PPP2R5C: variants seen among roughly 807,000 people sequenced by gnomAD.
PPP2R5C encodes the protein protein phosphatase 2 regulatory subunit B'gamma, also known as serine/threonine-protein phosphatase 2A 56 kDa regulatory subunit gamma isoform.
A neutral mutation model predicts 68.9 loss-of-function variants in PPP2R5C; 7 were observed. The observed-to-expected ratio is 0.10, with a 90% CI of 0.06 to 0.19. PPP2R5C has a LOEUF of 0.19. Ranked by LOEUF, PPP2R5C falls within the 10% of genes least tolerant of loss-of-function variation. The pLI is 1.00. For synonymous variants in PPP2R5C, 210 were observed against 222.2 expected, an observed-to-expected ratio of 0.95 and a Z score of 0.49; for missense variants, 348 against 641.3, an observed-to-expected ratio of 0.54 and a Z score of 4.94.
chr14:101,769,359 C>G (rs534100027), intron 2 of PPP2R5C, among the ~76,000 whole-genome samples: 4 of 152,286 alleles, frequency 2.6e-5, no homozygotes, highest in Non-Finnish European at 5.9e-5. Flanking sequence ...CAGTTGAGCT[C>G]GAGTCTTCTT....
At chr14:101,764,028 T>G (rs61993982) in intron 2 of PPP2R5C, among the ~76,000 whole-genome samples, 6 of 137,526 alleles carry the variant, frequency 4.4e-5, no homozygotes, top group African/African-American at 1.4e-4. Flanking sequence ...TGTGTGTGTG[T>G]GGGCGCGCGC....
In PPP2R5C at chr14:101,825,211, C is replaced by CGTGT. The variant is rs10588262; in HGVS notation, c.94+15210_94+15213dup. Among the ~76,000 whole-genome samples the CGTGT allele has an allele frequency of 0.08, 11,414 of 143,020 alleles. 875 individuals are homozygous for CGTGT. Among genetic ancestry groups the CGTGT allele is most frequent in the African/African-American group, 0.2 (7,863 of 38,500 alleles). 93.8% of individuals were successfully genotyped at this position (143,020 alleles called of 152,430 possible). On this transcript the variant is annotated intron_variant, in intron 1 of 13. Transcript: ENST00000334743. The surrounding 1 kb of genome is among the most constrained non-coding windows in gnomAD (Gnocchi z 4.0). ...AGGGATAGGATAAGAGGGTTTTCAG[C>CGTGT]GTGTGTGTGTGTGTGTGTGTGTGTG...
chr14:101,780,433 A>G (rs1293117473), intron 2 of PPP2R5C, among the ~76,000 whole-genome samples: 4 of 152,116 alleles, frequency 2.6e-5, no homozygotes, highest in South Asian at 4.1e-4. Flanking sequence ...TTGCCCCCCA[A>G]GGGACATTTG....
chr14:101,811,201 G>A (rs1732065013), intron 1 of PPP2R5C, among the ~76,000 whole-genome samples: 1 of 152,210 alleles, frequency 6.6e-6, no homozygotes, highest in African/African-American at 2.4e-5. Flanking sequence ...CCAAATTGTA[G>A]GACAGGCTGT....
intron 3 of PPP2R5C, among the ~76,000 whole-genome samples, chr14:101,793,944 C>T (rs2038488633): frequency 6.6e-6 from 1 of 152,188 alleles, no homozygotes; most frequent in Admixed American, 6.5e-5. Flanking sequence ...GAAGTCAAGC[C>T]ACTTCTTTCC....
intron 2 of PPP2R5C, among the ~76,000 whole-genome samples, chr14:101,775,885 C>G (rs2037390931): frequency 6.6e-6 from 1 of 152,128 alleles, no homozygotes; most frequent in South Asian, 2.1e-4. Flanking sequence ...ATCCTCACAG[C>G]AAGACACATC....
At chr14:101,886,365 T>C (rs1175467858) in intron 5 of PPP2R5C, among the ~76,000 whole-genome samples, 1 of 152,210 alleles carries the variant, frequency 6.6e-6, no homozygotes, top group African/African-American at 2.4e-5. Context: ...ATTCCAAAGT[T>C]ATTACGCATA....
chr14:101,822,016 T>C (rs1342412744), intron 1 of PPP2R5C, among the ~76,000 whole-genome samples: 4 of 152,008 alleles, frequency 2.6e-5, no homozygotes, highest in Non-Finnish European at 5.9e-5. Flanking sequence ...TTAAGAGTAT[T>C]TTACTAGATG....
At chr14:101,880,983 G>T (rs1404539193) in intron 2 of PPP2R5C, among the ~76,000 whole-genome samples, 1 of 152,124 alleles carries the variant, frequency 6.6e-6, no homozygotes, top group Admixed American at 6.6e-5. Context: ...TTCTGAGAGT[G>T]GTGGGACTGG....
intron 1 of PPP2R5C, among the ~76,000 whole-genome samples, chr14:101,842,810 T>G (rs2041572056): frequency 6.6e-6 from 1 of 151,764 alleles, no homozygotes; most frequent in Non-Finnish European, 1.5e-5. Context: ...TCGCATGTAT[T>G]TTTTTTATCT....
chr14:101,880,022 C>T (rs1365158536), intron 2 of PPP2R5C, among the ~76,000 whole-genome samples: 3 of 152,174 alleles, frequency 2.0e-5, no homozygotes, highest in Non-Finnish European at 2.9e-5. Context: ...AGACCCCTGT[C>T]TGCGCCGAGT....
At chr14:101,864,232 A>G (rs2042924689) in intron 2 of PPP2R5C, among the ~76,000 whole-genome samples, 2 of 152,206 alleles carry the variant, frequency 1.3e-5, no homozygotes. Flanking sequence ...TAACCTGAAG[A>G]TCAGAAAAGG....
At chr14:101,834,511 T>A (rs1430035143) in intron 1 of PPP2R5C, among the ~76,000 whole-genome samples, 1 of 152,214 alleles carries the variant, frequency 6.6e-6, no homozygotes, top group African/African-American at 2.4e-5. Flanking sequence ...AGGCAGCTGT[T>A]CCAGCAGAAA....
chr14:101,790,351 A>G (rs1413092958), intron 3 of PPP2R5C, among the ~76,000 whole-genome samples: 1 of 152,232 alleles, frequency 6.6e-6, no homozygotes, highest in Non-Finnish European at 1.5e-5. Context: ...TGCAACCGTC[A>G]CCACAATTCT....
At position 101,877,283 on chromosome 14, in the gene PPP2R5C, C is replaced by T. The variant is rs1185435220; in HGVS notation, c.295-4878C>T. ...TCCAATGGAGGAGAAAATTGAGGCT[C>T]AGGCAGGCTGTTTGGTCTGAGGTCC... On this transcript the variant is annotated intron_variant, in intron 2 of 13. Coordinates refer to ENST00000334743, the Ensembl canonical transcript of PPP2R5C. This position sits in a 1 kb window ranked among gnomAD's most constrained non-coding sequence, Gnocchi z 4.2. Among the ~76,000 whole-genome samples, 1 of 152,102 alleles carries T rather than the reference C, an allele frequency of 6.6e-6. No homozygotes were observed. The highest frequency in any genetic ancestry group is 2.4e-5 in the African/African-American group (1 of 41,422).
At chr14:101,852,957 G>A (rs1235209828) in intron 1 of PPP2R5C, among the ~76,000 whole-genome samples, 2 of 151,914 alleles carry the variant, frequency 1.3e-5, no homozygotes, top group East Asian at 3.8e-4. Flanking sequence ...TTAAATAATG[G>A]GAAAAGCTAA....
intron 9 of PPP2R5C, among the ~76,000 whole-genome samples, chr14:101,904,295 G>A (rs982026071): frequency 1.6e-4 from 24 of 152,026 alleles, no homozygotes; most frequent in Non-Finnish European, 2.9e-4. Flanking sequence ...GACTACAGGC[G>A]CCTGCCACCA....
rs2038657627 is a variant in PPP2R5C at position 101,797,264 on chromosome 14, C to G, written c.259+11081C>G. 2.2e-6 allele frequency: 1 copy of G among 456,076 alleles called. No homozygotes were observed. The highest frequency in any genetic ancestry group is 6.9e-5 in the East Asian group (1 of 14,394). 28.3% of individuals were successfully genotyped at this position (456,076 alleles called of 1,614,324 possible). ...CCCTCGCTCCCGTCGAAGGCTGATG[C>G]CATCCTTCAGTGATGTGTGGACGGA... On this transcript the variant is annotated intron_variant, in intron 3 of 14. Transcript: ENST00000328724. This position sits in a 1 kb window ranked among gnomAD's most constrained non-coding sequence, Gnocchi z 4.2.
intron 11 of PPP2R5C, among the ~76,000 whole-genome samples, chr14:101,911,376 CAAGT>C (rs1364805893): frequency 6.6e-6 from 1 of 152,168 alleles, no homozygotes; most frequent in African/African-American, 2.4e-5. Context: ...TGAGAGATGA[CAAGT>C]CAGTCAGGAA....
Sources: gnomAD v4.1 joint callset for allele counts (sites outside exome capture counted in the v4.1 genomes callset) on GRCh38, gnomAD v4.1.1 for gene constraint, Gnocchi (gnomAD v3.1) non-coding constraint, MANE v1.5 for transcripts, NCBI Gene and HGNC (gene_info 2026-07-23, HGNC 2026-07-21) for gene names.